The following LDB2 variants were observed in gnomAD, a reference collection of about 807,000 sequenced individuals.
LDB2 encodes LIM domain-binding protein 2.
Under a neutral mutation model 44.3 loss-of-function variants are expected in LDB2, and 12 were observed. The ratio of observed to expected loss-of-function variants is 0.27; its 90% CI spans 0.17 to 0.44. The LOEUF is 0.44. LDB2 is among the 20% of genes least tolerant of loss of function. The pLI, the probability that LDB2 is intolerant of heterozygous loss-of-function variation, is 1.00. For synonymous variants in LDB2, 164 were observed against 174.8 expected, an observed-to-expected ratio of 0.94 and a Z score of 0.49; for missense variants, 344 against 473.5, an observed-to-expected ratio of 0.73 and a Z score of 2.54.
intron 1 of LDB2, among the ~76,000 whole-genome samples, chr4:16,896,308 A>G (rs1296018851): frequency 6.6e-6 from 1 of 152,194 alleles, no homozygotes; most frequent in Non-Finnish European, 1.5e-5. Flanking sequence ...AGCTCTCACA[A>G]AAAATAATGT....
At chr4:16,793,434 G>A (rs1776154295) in intron 1 of LDB2, among the ~76,000 whole-genome samples, 1 of 152,124 alleles carries the variant, frequency 6.6e-6, no homozygotes, top group South Asian at 2.1e-4. Flanking sequence ...GGTTCCATAG[G>A]TGGAATTCCA....
chr4:16,633,398 G>A (rs1732587245), intron 2 of LDB2, among the ~76,000 whole-genome samples: 1 of 152,038 alleles, frequency 6.6e-6, no homozygotes, highest in African/African-American at 2.4e-5. Context: ...TAACAAACTT[G>A]CACATTGTGC....
intron 2 of LDB2, among the ~76,000 whole-genome samples, chr4:16,666,389 T>C (rs1171471720): frequency 1.3e-5 from 2 of 152,176 alleles, no homozygotes; most frequent in Non-Finnish European, 1.5e-5. Context: ...AAAGGGAGCC[T>C]CGTGAGCCTG....
intron 1 of LDB2, among the ~76,000 whole-genome samples, chr4:16,888,937 G>A (rs1054749030): frequency 6.6e-6 from 1 of 152,042 alleles, no homozygotes; most frequent in African/African-American, 2.4e-5. Flanking sequence ...TGAGGTTGAA[G>A]CCTTTATGTT....
chr4:16,664,762 C>A (rs1156374516), intron 2 of LDB2, among the ~76,000 whole-genome samples: 1 of 152,212 alleles, frequency 6.6e-6, no homozygotes, highest in Non-Finnish European at 1.5e-5. Context: ...CAGGTGCCTG[C>A]ATTGTAATGA....
At chr4:16,688,696 C>A (rs1749857424) in intron 2 of LDB2, among the ~76,000 whole-genome samples, 2 of 152,118 alleles carry the variant, frequency 1.3e-5, no homozygotes, top group Non-Finnish European at 2.9e-5. Flanking sequence ...GGCTGAATTT[C>A]AATGAGGTGC....
At chr4:16,598,345 T>C (rs184992597) in intron 2 of LDB2, among the ~76,000 whole-genome samples, 1 of 152,226 alleles carries the variant, frequency 6.6e-6, no homozygotes. Flanking sequence ...CCTAGCCATG[T>C]GGAGAGGTCA....
intron 2 of LDB2, among the ~76,000 whole-genome samples, chr4:16,730,601 G>T (rs1396228965): frequency 6.6e-6 from 1 of 152,146 alleles, no homozygotes; most frequent in African/African-American, 2.4e-5. Flanking sequence ...GTGGCAACTA[G>T]TGTCTCCATT....
At chr4:16,524,733 C>A (rs776696725) in intron 5 of LDB2, among the ~76,000 whole-genome samples, 45 of 152,200 alleles carry the variant, frequency 3.0e-4, no homozygotes, top group Non-Finnish European at 6.5e-4. Context: ...ATTGCTCTTT[C>A]ATCCGTGTTT....
At chr4:16,652,423 G>A (rs1046705333) in intron 2 of LDB2, among the ~76,000 whole-genome samples, 1 of 152,170 alleles carries the variant, frequency 6.6e-6, no homozygotes, top group African/African-American at 2.4e-5. Flanking sequence ...TGTGAAGTTT[G>A]AGTCCAAAGA....
At chr4:16,831,199 T>G (rs1253150154) in intron 1 of LDB2, among the ~76,000 whole-genome samples, 1 of 150,044 alleles carries the variant, frequency 6.7e-6, no homozygotes, top group Non-Finnish European at 1.5e-5. Flanking sequence ...TTTTCTATTT[T>G]AAGTGCAAAT....
At chr4:16,698,354 A>C (rs1443344259) in intron 2 of LDB2, among the ~76,000 whole-genome samples, 2 of 152,176 alleles carry the variant, frequency 1.3e-5, no homozygotes, top group Non-Finnish European at 2.9e-5. Flanking sequence ...GATATTGCCA[A>C]ATTATCATCA....
At chr4:16,780,192 T>A (rs1196018418) in intron 1 of LDB2, among the ~76,000 whole-genome samples, 1 of 152,186 alleles carries the variant, frequency 6.6e-6, no homozygotes, top group Non-Finnish European at 1.5e-5. Context: ...GGACTGAGAC[T>A]ACACAGAAGT....
At chr4:16,758,787 A>T (rs1227271913) in intron 2 of LDB2, among the ~76,000 whole-genome samples, 1 of 152,202 alleles carries the variant, frequency 6.6e-6, no homozygotes, top group Non-Finnish European at 1.5e-5. Context: ...AGGAATTATT[A>T]TTTTTAAGAA....
At chr4:16,555,611 T>C (rs1739292336) in intron 5 of LDB2, among the ~76,000 whole-genome samples, 1 of 152,160 alleles carries the variant, frequency 6.6e-6, no homozygotes, top group Non-Finnish European at 1.5e-5. Context: ...TTCTCTCCTT[T>C]CTTGAATGCG....
chr4:16,719,622 A>G (rs972634844), intron 2 of LDB2, among the ~76,000 whole-genome samples: 5 of 152,068 alleles, frequency 3.3e-5, no homozygotes, highest in Non-Finnish European at 7.4e-5. Flanking sequence ...TGGTTGAAAT[A>G]TGTCCCCGAA....
chr4:16,879,285 C>A (rs1719348658), intron 1 of LDB2, among the ~76,000 whole-genome samples: 1 of 152,122 alleles, frequency 6.6e-6, no homozygotes, highest in African/African-American at 2.4e-5. Context: ...AGCATTTTGG[C>A]AGGAGAGGAT....
intron 1 of LDB2, among the ~76,000 whole-genome samples, chr4:16,851,083 G>A (rs1259105981): frequency 1.3e-5 from 2 of 151,808 alleles, no homozygotes; most frequent in Non-Finnish European, 2.9e-5. Context: ...GTCAGTGGAA[G>A]CAGTGGGGTG....
intron 1 of LDB2, among the ~76,000 whole-genome samples, chr4:16,848,841 A>G (rs1787612890): frequency 6.6e-6 from 1 of 152,150 alleles, no homozygotes. Context: ...GGCCCAAGTC[A>G]GAATCATGTC....
Sources: gnomAD v4.1 joint callset for allele counts (sites outside exome capture counted in the v4.1 genomes callset) on GRCh38, gnomAD v4.1.1 for gene constraint, MANE v1.5 for transcripts, NCBI Gene and HGNC (gene_info 2026-07-23, HGNC 2026-07-21) for gene names.